DSCAM: variants seen among roughly 807,000 people sequenced by gnomAD.
DSCAM encodes the protein cell adhesion molecule DSCAM.
DSCAM carries 47 observed loss-of-function variants against 217.7 expected under a neutral mutation model. That is an observed-to-expected ratio of 0.22 (90% confidence interval 0.17 to 0.28). DSCAM has a LOEUF of 0.28. DSCAM is among the 10% of genes least tolerant of loss of function. DSCAM has a pLI of 1.00. For missense variants in DSCAM, 2,080 were observed against 2,618.3 expected (o/e 0.79, Z 4.49); for synonymous variants, 1,056 against 1,015.3 (o/e 1.04, Z -0.76).
chr21:40,614,522 A>C (rs1445203720), intron 3 of DSCAM, among the ~76,000 whole-genome samples: 4 of 152,228 alleles, frequency 2.6e-5, no homozygotes, highest in Non-Finnish European at 1.5e-5. Flanking sequence ...ACTTTTATGG[A>C]GGATAACTGG....
At chr21:40,582,785 TCTAGAACACAGTGCC>T (rs2076915735) in intron 3 of DSCAM, among the ~76,000 whole-genome samples, 1 of 152,110 alleles carries the variant, frequency 6.6e-6, no homozygotes, top group African/African-American at 2.4e-5. Context: ...AGCAAGAGTG[TCTAGAACACAGTGCC>T]CTATATTTGG....
At chr21:40,595,495 G>GCCA (rs1011886317) in intron 3 of DSCAM, among the ~76,000 whole-genome samples, 3 of 152,102 alleles carry the variant, frequency 2.0e-5, no homozygotes, top group African/African-American at 4.8e-5. Flanking sequence ...GTTTCCAAGA[G>GCCA]CCATCTCTAT....
In DSCAM at chr21:40,144,311, C is replaced by T. The variant is rs1049809824; in HGVS notation, c.3259+180G>A. ...TTTGCAGTCCAGCCCTGCCCCAGGG[C>T]GGGCAGATCAGCGGGGTGGGCGAGG... On this transcript the variant is annotated intron_variant, in intron 17 of 32. Transcript: ENST00000400454. The surrounding 1 kb of genome is among the most constrained non-coding windows in gnomAD (Gnocchi z 4.8). 1.3e-5 allele frequency among the ~76,000 whole-genome samples: 2 copies of T among 152,126 alleles called. No individual in the cohort carries two copies. The highest frequency in any genetic ancestry group is 2.1e-4 in the South Asian group (1 of 4,830).
At chr21:40,712,406 TG>T (rs1160184108) in intron 1 of DSCAM, among the ~76,000 whole-genome samples, 1 of 131,420 alleles carries the variant, frequency 7.6e-6, no homozygotes, top group African/African-American at 3.0e-5. Context: ...GAGCTTGCAG[TG>T]AGCCGAGATT....
chr21:40,497,378 T>C (rs2076127190), intron 3 of DSCAM, among the ~76,000 whole-genome samples: 1 of 151,016 alleles, frequency 6.6e-6, no homozygotes, highest in South Asian at 2.1e-4. Context: ...CAGACACAAA[T>C]GACAAACACT....
In DSCAM at chr21:40,303,113, C is replaced by T. The variant is rs2074034483; in HGVS notation, c.2063-6939G>A. On this transcript the variant is annotated intron_variant, in intron 9 of 32. Transcript: ENST00000400454. ...CATGGATAAATACCACCATTCTCTA[C>T]TTGGTGACATTTAGTTGAGATGGGA... is the stretch of plus-strand genomic sequence containing the variant. Among the ~76,000 whole-genome samples, 6 of 152,136 alleles carry T rather than the reference C, an allele frequency of 3.9e-5. No individual in the cohort carries two copies. In the South Asian group the frequency reaches 1.0e-3, roughly 26 times the overall value.
intron 3 of DSCAM, among the ~76,000 whole-genome samples, chr21:40,523,495 CAG>C (rs2076376148): frequency 6.6e-6 from 1 of 151,988 alleles, no homozygotes; most frequent in Non-Finnish European, 1.5e-5. Flanking sequence ...GTGAATGCCG[CAG>C]AGTTTCGGGG....
intron 1 of DSCAM, among the ~76,000 whole-genome samples, chr21:40,755,692 G>T (rs565098884): frequency 6.3e-4 from 96 of 152,280 alleles, no homozygotes; most frequent in African/African-American, 2.2e-3. Flanking sequence ...CCAAGGTATA[G>T]GCGAGTTGTG....
rs375709669 is a variant in DSCAM, at chr21:40,323,870, G to A, written c.1784-11511C>T. On this transcript the variant is annotated intron_variant, in intron 8 of 32. Transcript: ENST00000400454. ...TGTAATCCCAGCACTTTGGGAGGCT[G>A]AGGTGGGCGGATCATCTGAGGTCAG... is the stretch of plus-strand genomic sequence containing the variant. 2.0e-3 allele frequency among the ~76,000 whole-genome samples: 299 copies of A among 152,208 alleles called. 2 individuals are homozygous for A. Among genetic ancestry groups the A allele is most frequent in the African/African-American group, 6.9e-3 (285 of 41,570 alleles).
chr21:40,190,686 G>A (rs1234793730), intron 11 of DSCAM, among the ~76,000 whole-genome samples: 1 of 152,120 alleles, frequency 6.6e-6, no homozygotes, highest in Non-Finnish European at 1.5e-5. Context: ...ATGGCCTGAG[G>A]AGCCTAGCAA....
chr21:40,198,874 C>T (rs1035143274), intron 11 of DSCAM, among the ~76,000 whole-genome samples: 1 of 152,192 alleles, frequency 6.6e-6, no homozygotes, highest in Non-Finnish European at 1.5e-5. Context: ...TTCAAGATGG[C>T]GGCTGCAGAT....
chr21:40,352,948 T>C (rs1358326964), intron 5 of DSCAM, among the ~76,000 whole-genome samples: 1 of 152,202 alleles, frequency 6.6e-6, no homozygotes. Flanking sequence ...AGATGATCTA[T>C]AATACTAGGC....
At chr21:40,821,064 C>T (rs1438219738) in intron 1 of DSCAM, among the ~76,000 whole-genome samples, 4 of 97,404 alleles carry the variant, frequency 4.1e-5, no homozygotes, top group Non-Finnish European at 6.9e-5. Flanking sequence ...ATATATATAT[C>T]TTCACATATA....
chr21:40,140,274 A>G (rs907329257), intron 18 of DSCAM, among the ~76,000 whole-genome samples: 1 of 152,174 alleles, frequency 6.6e-6, no homozygotes, highest in South Asian at 2.1e-4. Context: ...CATTTATCTC[A>G]TCACTTTGAT....
chr21:40,528,758 C>G (rs192181732), intron 3 of DSCAM, among the ~76,000 whole-genome samples: 1 of 152,226 alleles, frequency 6.6e-6, no homozygotes, highest in Non-Finnish European at 1.5e-5. Flanking sequence ...AGTAACTCAC[C>G]TGCTAAGTCA....
intron 1 of DSCAM, among the ~76,000 whole-genome samples, chr21:40,741,958 T>C (rs769381254): frequency 6.6e-6 from 1 of 152,076 alleles, no homozygotes; most frequent in Non-Finnish European, 1.5e-5. Context: ...ACAAGATAGA[T>C]AGAGATCACA....
intron 32 of DSCAM, among the ~76,000 whole-genome samples, chr21:40,019,189 C>G (rs1037908182): frequency 2.5e-4 from 38 of 152,202 alleles, no homozygotes; most frequent in African/African-American, 8.4e-4. Context: ...CTACACATAG[C>G]AAGACAACTC....
intron 10 of DSCAM, among the ~76,000 whole-genome samples, chr21:40,281,149 G>A (rs181141956): frequency 1.6e-4 from 24 of 152,248 alleles, no homozygotes; most frequent in Middle Eastern, 3.4e-3. Flanking sequence ...CACTAAATTG[G>A]GGTAATTTGT....
chr21:40,216,417 G>A (rs138802781), intron 11 of DSCAM, among the ~76,000 whole-genome samples: 1 of 151,868 alleles, frequency 6.6e-6, no homozygotes, highest in African/African-American at 2.4e-5. Context: ...CCCAGCCAAT[G>A]ATCCATTTTT....
Sources: allele counts gnomAD v4.1 joint callset (sites outside exome capture counted in the v4.1 genomes callset), GRCh38; gene constraint gnomAD v4.1.1; non-coding constraint Gnocchi (gnomAD v3.1); transcripts MANE v1.5; gene names NCBI Gene and HGNC (gene_info 2026-07-23, HGNC 2026-07-21).